The following CALD1 variants were observed in gnomAD, a reference collection of about 807,000 sequenced individuals.
CALD1 encodes the protein caldesmon.
CALD1 carries 33 observed loss-of-function variants against 99.9 expected under a neutral mutation model. That is an observed-to-expected ratio of 0.33 (90% CI 0.25 to 0.44). The LOEUF (loss-of-function observed/expected upper bound fraction) is 0.44. CALD1 is among the 20% of genes least tolerant of loss of function. The pLI is 1.00. For missense variants in CALD1, 861 were observed against 962.1 expected, an observed-to-expected ratio of 0.89 and a Z score of 1.39; for synonymous variants, 310 against 325.0, an observed-to-expected ratio of 0.95 and a Z score of 0.50.
upstream of CALD1, among the ~76,000 whole-genome samples, chr7:134,743,115 G>C (rs1243577938): frequency 2.6e-5 from 4 of 152,226 alleles, no homozygotes; most frequent in Admixed American, 1.3e-4. Flanking sequence ...CTTCTCAGAA[G>C]AGAGCTAGTG....
At chr7:134,719,476 C>T in the CALD1 span, among the ~76,000 whole-genome samples, 9 of 152,152 alleles carry the variant, frequency 5.9e-5, no homozygotes, top group East Asian at 1.7e-3. Context: ...AGCCAAACAG[C>T]CAATCTAAAT....
chr7:134,954,937 ATATCAACACT>A (rs1431885519), intron 9 of CALD1, among the ~76,000 whole-genome samples: 2 of 152,218 alleles, frequency 1.3e-5, no homozygotes, highest in African/African-American at 4.8e-5. Flanking sequence ...CTCAGCTCAA[ATATCAACACT>A]ACTGAAAAGC....
intron 3 of CALD1, among the ~76,000 whole-genome samples, chr7:134,892,273 T>C (rs1802256332): frequency 6.6e-6 from 1 of 152,144 alleles, no homozygotes; most frequent in African/African-American, 2.4e-5. Context: ...TGCAATGCTG[T>C]CTTTCAATAG....
intron 1 of CALD1, among the ~76,000 whole-genome samples, chr7:134,757,286 C>A (rs1333407604): frequency 6.6e-6 from 1 of 152,150 alleles, no homozygotes; most frequent in Non-Finnish European, 1.5e-5. Context: ...ATGTGAATGA[C>A]GACCCCTGGA....
chr7:134,841,344 A>G (rs1799640802), intron 1 of CALD1, among the ~76,000 whole-genome samples: 1 of 152,238 alleles, frequency 6.6e-6, no homozygotes, highest in African/African-American at 2.4e-5. Flanking sequence ...ATGTGTTATT[A>G]TTACTAGCTC....
chr7:134,805,063 A>C (rs1055213308), intron 1 of CALD1, among the ~76,000 whole-genome samples: 2 of 152,236 alleles, frequency 1.3e-5, no homozygotes, highest in African/African-American at 4.8e-5. Flanking sequence ...TCTTGAGCTT[A>C]GTCAGCTCCT....
intron 13 of CALD1, chr7:134,961,480 G>A (rs1001497037): frequency 6.6e-6 from 1 of 152,186 alleles, no homozygotes; most frequent in Admixed American, 6.5e-5. Flanking sequence ...GCATTTAATT[G>A]CATCCATTGG....
chr7:134,793,168 C>A (rs1305156273), intron 1 of CALD1, among the ~76,000 whole-genome samples: 6 of 152,206 alleles, frequency 3.9e-5, no homozygotes, highest in African/African-American at 1.2e-4. Context: ...AGCTTCAGGG[C>A]AGCTGGCCGG....
chr7:134,848,487 A>G (rs998906749), intron 2 of CALD1, among the ~76,000 whole-genome samples: 1 of 152,212 alleles, frequency 6.6e-6, no homozygotes, highest in Admixed American at 6.5e-5. Context: ...GCAGTGAAGA[A>G]GGCCAATGTT....
At chr7:134,881,412 G>T (rs1448024974) in intron 3 of CALD1, among the ~76,000 whole-genome samples, 2 of 152,140 alleles carry the variant, frequency 1.3e-5, no homozygotes, top group Non-Finnish European at 2.9e-5. Flanking sequence ...AAGGATAAAA[G>T]AAAAGACACT....
chr7:134,740,534 A>G (rs1796584034), upstream of CALD1, among the ~76,000 whole-genome samples: 1 of 152,230 alleles, frequency 6.6e-6, no homozygotes, highest in South Asian at 2.1e-4. Context: ...GTGAGCCAAC[A>G]GTGTGATATG....
intron 1 of CALD1, among the ~76,000 whole-genome samples, chr7:134,761,770 T>C (rs939257205): frequency 1.3e-5 from 2 of 152,212 alleles, no homozygotes; most frequent in South Asian, 2.1e-4. Flanking sequence ...ATTAACTTCA[T>C]GGGGATATAG....
intron 3 of CALD1, among the ~76,000 whole-genome samples, chr7:134,916,454 A>G: frequency 6.6e-6 from 1 of 152,240 alleles, no homozygotes; most frequent in African/African-American, 2.4e-5. Context: ...GAAAAGCTCC[A>G]GAGGGCACTT....
intron 1 of CALD1, among the ~76,000 whole-genome samples, chr7:134,780,120 T>C (rs1797045708): frequency 6.6e-6 from 1 of 152,262 alleles, no homozygotes; most frequent in South Asian, 2.1e-4. Flanking sequence ...ACACAGTCTC[T>C]TCTGCATCTT....
chr7:134,868,274 G>C (rs1035350357), intron 3 of CALD1: 1 of 157,316 alleles, frequency 6.4e-6, no homozygotes, highest in African/African-American at 2.4e-5. Context: ...TCCAACTCTA[G>C]GGATCTGCAT....
At chr7:134,828,556 G>A (rs893473756) in intron 1 of CALD1, among the ~76,000 whole-genome samples, 1 of 152,150 alleles carries the variant, frequency 6.6e-6, no homozygotes, top group Admixed American at 6.5e-5. Flanking sequence ...AATCTCGTGG[G>A]TTAGAAACCC....
At chr7:134,943,770 G>A (rs1045837132) in intron 7 of CALD1, among the ~76,000 whole-genome samples, 9 of 152,084 alleles carry the variant, frequency 5.9e-5, no homozygotes, top group South Asian at 2.1e-4. Flanking sequence ...ATGCACACAC[G>A]TGTGTATATT....
intron 11 of CALD1, 32 bp from the exon 12 acceptor site, chr7:134,959,942 C>A: frequency 2.5e-6 from 4 of 1,609,844 alleles, no homozygotes; most frequent in Non-Finnish European, 3.4e-6. Context: ...AACTTCCCAG[C>A]ACCAATCCTA....
chr7:134,817,937 C>G (rs1355973378), intron 1 of CALD1, among the ~76,000 whole-genome samples: 1 of 152,072 alleles, frequency 6.6e-6, no homozygotes, highest in Non-Finnish European at 1.5e-5. Flanking sequence ...TCAAACAATA[C>G]TTTTTGTCAC....
Sources: allele counts gnomAD v4.1 joint callset (sites outside exome capture counted in the v4.1 genomes callset), GRCh38; gene constraint gnomAD v4.1.1; transcripts MANE v1.5; gene names NCBI Gene and HGNC (gene_info 2026-07-23, HGNC 2026-07-21).